ZRANB3: variants seen among roughly 807,000 people sequenced by gnomAD.
The protein encoded by ZRANB3 is zinc finger RANBP2-type containing 3, also known as DNA annealing helicase and endonuclease ZRANB3.
ZRANB3 carries 125 observed loss-of-function variants against 133.8 expected under a neutral mutation model. That is an observed-to-expected ratio of 0.93 (90% CI 0.81 to 1.08). The LOEUF (loss-of-function observed/expected upper bound fraction) is 1.08. Among genes scored for constraint, ZRANB3 ranks in the 50% least tolerant of loss-of-function variants. The pLI is 0.00. For synonymous variants in ZRANB3, 387 were observed against 432.7 expected (o/e 0.89, Z 1.31); for missense variants, 1,229 against 1,275.5 (o/e 0.96, Z 0.56).
At chr2:135,210,896 G>C (rs72980371) in intron 17 of ZRANB3, among the ~76,000 whole-genome samples, 6,745 of 152,080 alleles carry the variant, frequency 0.044, 506 homozygotes, top group African/African-American at 0.16. Context: ...GGGCATAGTG[G>C]TGTGTGTCTG....
intron 2 of ZRANB3, among the ~76,000 whole-genome samples, chr2:135,502,218 T>C (rs945577426): frequency 1.6e-4 from 24 of 152,192 alleles, no homozygotes; most frequent in African/African-American, 5.8e-4. Flanking sequence ...ACTACTAACA[T>C]CATGCTTTCC....
At chr2:135,445,528 CTA>C (rs1240024830) in intron 2 of ZRANB3, among the ~76,000 whole-genome samples, 1 of 152,064 alleles carries the variant, frequency 6.6e-6, no homozygotes, top group Non-Finnish European at 1.5e-5. Context: ...GGGAGAAAAT[CTA>C]TAGAATTGCC....
intron 17 of ZRANB3, among the ~76,000 whole-genome samples, chr2:135,209,743 A>G (rs1694020098): frequency 6.6e-6 from 1 of 152,188 alleles, no homozygotes. Context: ...CACCTATTGT[A>G]GATTTTTTTG....
In ZRANB3 at chr2:135,353,122, G is replaced by A. The variant is rs112866951; in HGVS notation, c.359+328C>T. On this transcript the variant is annotated intron_variant, in intron 4 of 20. Coordinates refer to ENST00000264159, the MANE Select transcript of ZRANB3 (RefSeq NM_032143.4). ...ATCACAAAGCTTCAAGTCAATCAAT[G>A]AAAAGTTGTGAGATTTATTTCTGAA... Among the ~76,000 whole-genome samples the A allele has an allele frequency of 3.0e-3, 452 of 152,170 alleles. 3 individuals are homozygous for A. Among genetic ancestry groups the A allele is most frequent in the African/African-American group, 0.01 (421 of 41,544 alleles).
At chr2:135,449,569 G>A (rs903731100) in intron 2 of ZRANB3, among the ~76,000 whole-genome samples, 7 of 152,126 alleles carry the variant, frequency 4.6e-5, no homozygotes, top group African/African-American at 1.2e-4. Flanking sequence ...GCAGTGAGTC[G>A]AGATTGCTCC....
chr2:135,333,915 T>C lies in ZRANB3; in HGVS notation c.677+11635A>G, dbSNP rs570347359. ...CTTAAATGGTAAATTTTGTTATGCA[T>C]ATTTTACTGCAATTAAAAAACTACA... is the stretch of plus-strand genomic sequence containing the variant. On this transcript the variant is annotated intron_variant, in intron 6 of 20. Coordinates refer to ENST00000264159, the MANE Select transcript of ZRANB3 (RefSeq NM_032143.4). Among the ~76,000 whole-genome samples, 11 of 152,350 alleles carry C rather than the reference T, an allele frequency of 7.2e-5. No homozygotes were observed. The South Asian group carries it at 2.1e-3, about 29-fold the overall frequency.
chr2:135,445,968 G>A (rs1690002331), intron 2 of ZRANB3, among the ~76,000 whole-genome samples: 1 of 151,314 alleles, frequency 6.6e-6, no homozygotes, highest in African/African-American at 2.4e-5. Context: ...ACTTTGGGAG[G>A]CTGAGGCGGG....
At chr2:135,426,945 C>T (rs1400403357) in intron 2 of ZRANB3, among the ~76,000 whole-genome samples, 4 of 105,362 alleles carry the variant, frequency 3.8e-5, no homozygotes, top group Admixed American at 1.1e-4. Context: ...ACCACATCAA[C>T]GGAACTAAAA....
intron 3 of ZRANB3, among the ~76,000 whole-genome samples, chr2:135,381,217 T>A (rs897563585): frequency 1.3e-5 from 2 of 152,192 alleles, no homozygotes; most frequent in Non-Finnish European, 2.9e-5. Context: ...CATGCCTGGC[T>A]CGCAGGGTCC....
In ZRANB3 at chr2:135,479,548, T is replaced by G. The variant is rs543718466; in HGVS notation, c.161+24781A>C. On this transcript the variant is annotated intron_variant, in intron 2 of 20. Coordinates refer to ENST00000264159, the MANE Select transcript of ZRANB3 (RefSeq NM_032143.4). ...TACTCGGAAGGCTGAGGCGGGAGAA[T>G]CAAGCTACTTGGAAGGCTGAGGCGA... 5.5e-4 allele frequency among the ~76,000 whole-genome samples: 83 copies of G among 151,970 alleles called. 1 individual carries two copies. The highest frequency in any genetic ancestry group is 1.9e-3 in the African/African-American group (77 of 41,456).
chr2:135,498,369 G>A (rs1387438897), intron 2 of ZRANB3, among the ~76,000 whole-genome samples: 1 of 152,068 alleles, frequency 6.6e-6, no homozygotes, highest in Non-Finnish European at 1.5e-5. Flanking sequence ...TGTCTTTACT[G>A]CAATCTCTGA....
intron 8 of ZRANB3, among the ~76,000 whole-genome samples, chr2:135,294,855 C>A (rs1466317863): frequency 2.0e-5 from 3 of 152,102 alleles, no homozygotes; most frequent in Non-Finnish European, 4.4e-5. Flanking sequence ...TCATTATGTA[C>A]CCAATACTCA....
At chr2:135,321,915 G>A (rs955009526) in intron 6 of ZRANB3, among the ~76,000 whole-genome samples, 2 of 152,078 alleles carry the variant, frequency 1.3e-5, no homozygotes, top group African/African-American at 4.8e-5. Flanking sequence ...GTGTTGGGGA[G>A]AGACATTTTA....
chr2:135,519,968 G>T (rs1049192526), intron 1 of ZRANB3, among the ~76,000 whole-genome samples: 1 of 152,116 alleles, frequency 6.6e-6, no homozygotes, highest in African/African-American at 2.4e-5. Context: ...TATAAAGGCT[G>T]TGAACCGGAG....
chr2:135,380,079 T>C (rs1311835736), intron 3 of ZRANB3, among the ~76,000 whole-genome samples: 4 of 152,122 alleles, frequency 2.6e-5, no homozygotes, highest in African/African-American at 9.7e-5. Flanking sequence ...CATTACATAA[T>C]GGTAAAGGGA....
chr2:135,316,132 C>T (rs1044635242), intron 6 of ZRANB3, among the ~76,000 whole-genome samples: 1 of 152,100 alleles, frequency 6.6e-6, no homozygotes, highest in Admixed American at 6.5e-5. Flanking sequence ...TGAGAGGAGA[C>T]ATCAGAGAAT....
chr2:135,423,821 C>A (rs558714073), intron 2 of ZRANB3, among the ~76,000 whole-genome samples: 163 of 152,302 alleles, frequency 1.1e-3, no homozygotes, highest in Non-Finnish European at 1.7e-3. Flanking sequence ...CTTCTCTAGA[C>A]AATCAGACCA....
At chr2:135,250,406 C>T (rs1270451425) in intron 12 of ZRANB3, among the ~76,000 whole-genome samples, 1 of 152,230 alleles carries the variant, frequency 6.6e-6, no homozygotes, top group Non-Finnish European at 1.5e-5. Flanking sequence ...AAGCCAGCTG[C>T]AGAAATTTGC....
At chr2:135,436,251 A>T (rs1689526736) in intron 2 of ZRANB3, among the ~76,000 whole-genome samples, 1 of 152,074 alleles carries the variant, frequency 6.6e-6, no homozygotes. Context: ...TTTTTCCCCC[A>T]TCGCTTGATT....
Sources: gnomAD v4.1 joint callset for allele counts (sites outside exome capture counted in the v4.1 genomes callset) on GRCh38, gnomAD v4.1.1 for gene constraint, MANE v1.5 for transcripts, NCBI Gene and HGNC (gene_info 2026-07-23, HGNC 2026-07-21) for gene names.